The following MYO5B variants were observed in gnomAD, a reference collection of about 807,000 sequenced individuals.
The protein encoded by MYO5B is unconventional myosin-Vb.
In MYO5B, 143 loss-of-function variants were observed where a neutral mutation model predicts 229.3. The ratio of observed to expected loss-of-function variants is 0.62; its 90% CI spans 0.54 to 0.72. MYO5B has a LOEUF of 0.72. Ranked by LOEUF, MYO5B falls within the 30% of genes least tolerant of loss-of-function variation. MYO5B has a pLI of 0.00. For missense variants in MYO5B, 2,321 were observed against 2,331.0 expected, an observed-to-expected ratio of 1.00 and a Z score of 0.09; for synonymous variants, 918 against 885.2, an observed-to-expected ratio of 1.04 and a Z score of -0.66.
intron 1 of MYO5B, among the ~76,000 whole-genome samples, chr18:50,060,983 T>C (rs1439921602): frequency 6.6e-6 from 1 of 152,170 alleles, no homozygotes; most frequent in South Asian, 2.1e-4. Context: ...CAGACCTTCA[T>C]GTGCTGCAGG....
chr18:50,021,015 CAG>C (rs2026267674), intron 4 of MYO5B, among the ~76,000 whole-genome samples: 1 of 152,188 alleles, frequency 6.6e-6, no homozygotes, highest in Non-Finnish European at 1.5e-5. Flanking sequence ...ATGGAGCACA[CAG>C]AGTGTGCAGA....
chr18:50,007,870 A>G (rs2026119732), intron 4 of MYO5B, among the ~76,000 whole-genome samples: 1 of 152,212 alleles, frequency 6.6e-6, no homozygotes, highest in South Asian at 2.1e-4. Context: ...TCATAAGATC[A>G]CTGGATGTCA....
chr18:49,912,912 C>G (rs534000147), intron 17 of MYO5B, among the ~76,000 whole-genome samples: 1 of 152,324 alleles, frequency 6.6e-6, no homozygotes, highest in East Asian at 1.9e-4. Context: ...GAATACTGCT[C>G]ATTGTAAACA....
chr18:49,866,683 T>C (rs1269041190), intron 27 of MYO5B, among the ~76,000 whole-genome samples: 1 of 152,188 alleles, frequency 6.6e-6, no homozygotes, highest in Non-Finnish European at 1.5e-5. Context: ...CGGCCCTGCC[T>C]CCCACCAATC....
chr18:50,039,623 G>A (rs897802091), intron 3 of MYO5B, among the ~76,000 whole-genome samples: 4 of 152,136 alleles, frequency 2.6e-5, no homozygotes, highest in East Asian at 3.8e-4. Flanking sequence ...GAGCCACTGC[G>A]CCCGGCGGAA....
rs1391717098 is a variant in MYO5B, at chr18:50,122,629, G to A, written c.28-67251C>T. 1.9e-4 allele frequency among the ~76,000 whole-genome samples: 5 copies of A among 26,404 alleles called. 1 individual carries two copies. Among genetic ancestry groups the A allele is most frequent in the East Asian group, 2.7e-3 (2 of 748 alleles). The allele number at this position is 26,404 out of a possible 152,430, so 17.3% of individuals were successfully genotyped here. On this transcript the variant is annotated intron_variant, in intron 1 of 39. Transcript: ENST00000285039. Reference sequence around the variant, plus strand: ...GAGAAAGAGAGGGAGGGAGGGAAGGGGGGGGGAGAGAGAGAGAGAGAGAGA... The same window carrying A: ...GAGAAAGAGAGGGAGGGAGGGAAGGAGGGGGGAGAGAGAGAGAGAGAGAGA...
At chr18:49,928,040 CA>C (rs142643398) in intron 17 of MYO5B, among the ~76,000 whole-genome samples, 14 of 115,772 alleles carry the variant, frequency 1.2e-4, no homozygotes, top group African/African-American at 2.6e-4. Flanking sequence ...CAAAGTAGCA[CA>C]GAAAAAAAAC....
intron 1 of MYO5B, among the ~76,000 whole-genome samples, chr18:50,064,649 T>C (rs1261956383): frequency 6.6e-6 from 1 of 152,220 alleles, no homozygotes; most frequent in African/African-American, 2.4e-5. Flanking sequence ...TTCCTCTTCA[T>C]CCAGTGGATT....
At chr18:49,907,726 G>C (rs890395424) in intron 18 of MYO5B, among the ~76,000 whole-genome samples, 6 of 152,280 alleles carry the variant, frequency 3.9e-5, no homozygotes, top group Non-Finnish European at 7.3e-5. Context: ...TCCACACACA[G>C]GGAAGGCTGT....
chr18:49,987,496 T>C (rs2025883653), intron 7 of MYO5B, among the ~76,000 whole-genome samples: 1 of 152,098 alleles, frequency 6.6e-6, no homozygotes, highest in Non-Finnish European at 1.5e-5. Flanking sequence ...GGTCTCTCTC[T>C]TTACAAAGAA....
At chr18:50,148,417 T>C (rs1411351269) in intron 1 of MYO5B, among the ~76,000 whole-genome samples, 4 of 151,734 alleles carry the variant, frequency 2.6e-5, no homozygotes, top group African/African-American at 7.2e-5. Flanking sequence ...TTGATGAACA[T>C]TGATGCAAAA....
At chr18:49,920,912 G>T (rs1255382446) in intron 17 of MYO5B, among the ~76,000 whole-genome samples, 1 of 152,106 alleles carries the variant, frequency 6.6e-6, no homozygotes, top group Non-Finnish European at 1.5e-5. Flanking sequence ...CAGTCCAAAG[G>T]AACGAAGACA....
At chr18:49,886,387 T>C (rs2024642250) in intron 22 of MYO5B, among the ~76,000 whole-genome samples, 2 of 152,164 alleles carry the variant, frequency 1.3e-5, no homozygotes, top group African/African-American at 2.4e-5. Context: ...CTGACAAGCA[T>C]GTTTTCAAAA....
chr18:50,085,209 A>G (rs1228654900), intron 1 of MYO5B, among the ~76,000 whole-genome samples: 2 of 152,250 alleles, frequency 1.3e-5, no homozygotes, highest in African/African-American at 2.4e-5. Flanking sequence ...AACTCTAACA[A>G]ATTTATAAGA....
chr18:49,896,842 C>T (rs2024784497), intron 21 of MYO5B, among the ~76,000 whole-genome samples: 1 of 152,172 alleles, frequency 6.6e-6, no homozygotes, highest in Admixed American at 6.5e-5. Flanking sequence ...GTGCTCAGAT[C>T]CCAGCTCTAT....
intron 3 of MYO5B, among the ~76,000 whole-genome samples, chr18:50,039,713 T>C (rs181329126): frequency 1.2e-3 from 178 of 152,322 alleles, no homozygotes; most frequent in Middle Eastern, 6.8e-3. Context: ...TTTTGACAAA[T>C]ACTCATTGGG....
Position 49,999,481 on chromosome 18 carries a change from T to C in MYO5B, c.612+1774A>G, listed in dbSNP as rs140217502. 2.1e-3 allele frequency among the ~76,000 whole-genome samples: 318 copies of C among 152,300 alleles called. 1 individual carries two copies. Among genetic ancestry groups the C allele is most frequent in the Non-Finnish European group, 3.6e-3 (242 of 68,020 alleles). On this transcript the variant is annotated intron_variant, in intron 5 of 39. Coordinates refer to ENST00000285039, the MANE Select transcript of MYO5B (RefSeq NM_001080467.3). The stretch of plus-strand genomic sequence containing the variant: ...AAATGTCAGAAAAGAAGGAGTCAAA[T>C]TATGGTAAAGCCATTTATTAATCTA...
At chr18:49,998,740 T>C (rs1391156492) in intron 5 of MYO5B, among the ~76,000 whole-genome samples, 1 of 152,232 alleles carries the variant, frequency 6.6e-6, no homozygotes, top group African/African-American at 2.4e-5. Context: ...GACAACATTA[T>C]GCTCAGTGAA....
At position 49,856,433 on chromosome 18, in the gene MYO5B, G is replaced by T. The variant is rs913477235; in HGVS notation, c.4022+380C>A. On this transcript the variant is annotated intron_variant, in intron 30 of 39. Coordinates refer to ENST00000285039, the MANE Select transcript of MYO5B (RefSeq NM_001080467.3). Reference sequence around the variant, plus strand: ...TTTGGCTGATCCTGCAGTTAGGAGGGCCAATATGTAGTGTGAAAGCAGCAC... The same window carrying T: ...TTTGGCTGATCCTGCAGTTAGGAGGTCCAATATGTAGTGTGAAAGCAGCAC... Among the ~76,000 whole-genome samples the T allele has an allele frequency of 5.9e-5, 9 of 152,322 alleles. No individual in the cohort carries two copies. In the South Asian group the frequency reaches 1.9e-3, roughly 32 times the overall value.
Sources: allele counts gnomAD v4.1 joint callset (sites outside exome capture counted in the v4.1 genomes callset), GRCh38; gene constraint gnomAD v4.1.1; transcripts MANE v1.5; gene names NCBI Gene and HGNC (gene_info 2026-07-23, HGNC 2026-07-21).